Variants in SLC12A9 observed in about 807,000 individuals in gnomAD.
The protein encoded by SLC12A9 is solute carrier family 12 member 9, also known as CCC-interacting protein 1.
SLC12A9 carries 55 observed loss-of-function variants against 66.0 expected under a neutral mutation model. That is an observed-to-expected ratio of 0.83 (90% CI 0.67 to 1.04). The LOEUF is 1.04. Ranked by LOEUF, SLC12A9 falls within the 50% of genes least tolerant of loss-of-function variation. The pLI is 0.00. For synonymous variants in SLC12A9, 577 were observed against 569.0 expected (o/e 1.01, Z -0.20); for missense variants, 1,061 against 1,241.9 (o/e 0.85, Z 2.19).
rs1319012640 is a variant in SLC12A9 at position 100,861,789 on chromosome 7, G to A, written c.1589G>A (p.Trp530Ter). Reference protein sequence around the residue: ...LDVRKDHVKFWRPQLLLLVGN... With the variant: ...LDVRKDHVKF The stretch of plus-strand genomic sequence containing the variant: ...GTCCGGAAGGATCACGTGAAGTTCT[G>A]GCGGCCCCAGCTGCTGCTCCTGGTG... Residue 530 changes from tryptophan to a stop codon, truncating the protein, a stop_gained, in exon 12 of 14, where the codon TGG becomes TAG. Transcript: ENST00000354161. LOFTEE classifies it high-confidence loss of function. The surrounding 1 kb of genome is among the most constrained non-coding windows in gnomAD (Gnocchi z 5.3). The A allele has an allele frequency of 1.2e-6, 2 of 1,614,014 alleles. No individual in the cohort carries two copies. Among genetic ancestry groups the A allele is most frequent in the Admixed American group, 3.3e-5 (2 of 60,020 alleles).
At chr7:100,846,683 G>A (rs886606231) in intron 1 of SLC12A9, among the ~76,000 whole-genome samples, 4 of 152,194 alleles carry the variant, frequency 2.6e-5, no homozygotes, top group Admixed American at 2.6e-4. Context: ...GAGAATGAAA[G>A]TGAGAACTTC....
chr7:100,857,335 G>A (rs1239077889), intron 5 of SLC12A9, 159 bp downstream of exon 5: 11 of 841,796 alleles, frequency 1.3e-5, no homozygotes, highest in Non-Finnish European at 1.8e-5. Context: ...CCTGTCTAGC[G>A]TGTGCTTGGC....
At chr7:100,850,013 C>T (rs118150939), upstream of SLC12A9, among the ~76,000 whole-genome samples, 4,586 of 152,164 alleles carry the variant, frequency 0.03, 92 homozygotes, top group Middle Eastern at 0.099. Flanking sequence ...GCTGGGACTA[C>T]GGTTGCCTGC....
upstream of SLC12A9, among the ~76,000 whole-genome samples, chr7:100,849,071 C>T (rs1171348658): frequency 2.7e-5 from 4 of 150,478 alleles, no homozygotes; most frequent in African/African-American, 7.3e-5. Flanking sequence ...GAATTACAGG[C>T]GTGTACCACC....
chr7:100,846,538 G>A (rs954625623), intron 1 of SLC12A9, among the ~76,000 whole-genome samples: 3 of 151,394 alleles, frequency 2.0e-5, no homozygotes, highest in African/African-American at 7.3e-5. Flanking sequence ...CTGCACTCTA[G>A]CCTGGGCGAC....
chr7:100,839,555 C>T (rs1017656750), intron 1 of SLC12A9, among the ~76,000 whole-genome samples: 2 of 152,306 alleles, frequency 1.3e-5, no homozygotes, highest in South Asian at 4.1e-4. Context: ...AACATCCCTG[C>T]GGGCGACTCT....
rs1356966395 is a variant in SLC12A9, at chr7:100,861,050, G to C, written c.1219-88G>C. 6.2e-7 allele frequency: 1 copy of C among 1,605,986 alleles called. No homozygotes were observed. The highest frequency in any genetic ancestry group is 8.5e-7 in the Non-Finnish European group (1 of 1,175,736). ...TTTCTGGGGCTCATTGACACTTTGG[G>C]GTACACTGGCATTCTTTGGTGTTCA... On this transcript the variant is annotated intron_variant, in intron 9 of 13. Transcript: ENST00000354161. The surrounding 1 kb of genome is among the most constrained non-coding windows in gnomAD (Gnocchi z 5.3).
intron 1 of SLC12A9, among the ~76,000 whole-genome samples, chr7:100,844,058 A>T (rs1279731604): frequency 1.3e-5 from 2 of 152,228 alleles, no homozygotes; most frequent in African/African-American, 4.8e-5. Context: ...TGGCCGAAGC[A>T]TGAGAAAACT....
chr7:100,840,881 ACAAAGCCG>A (rs58417099), intron 1 of SLC12A9, among the ~76,000 whole-genome samples: 7,151 of 152,170 alleles, frequency 0.047, 572 homozygotes, highest in African/African-American at 0.16. Context: ...GTCAGTGTAA[ACAAAGCCG>A]TATCCGAAAG....
chr7:100,840,586 AAAGAGACAGAGAGG>A lies in SLC12A9; in HGVS notation n.228+13556_228+13569del, dbSNP rs370266990. On this transcript the variant is annotated intron_variant and non_coding_transcript_variant, in intron 1 of 1. Transcript: ENST00000461016. ...AAAGACCAGCAGAAAGAGAGAAAGG[AAAGAGACAGAGAGG>A]AAGAGACAGAGAGGAAAAGACAGAC... Among the ~76,000 whole-genome samples, 5 of 152,190 alleles carry A rather than the reference AAAGAGACAGAGAGG, an allele frequency of 3.3e-5. No homozygotes were observed. In the East Asian group the frequency reaches 5.8e-4, roughly 18 times the overall value.
intron 1 of SLC12A9, among the ~76,000 whole-genome samples, chr7:100,846,295 G>A: frequency 6.6e-6 from 1 of 152,304 alleles, no homozygotes; most frequent in Non-Finnish European, 1.5e-5. Context: ...GGCCGGGCGC[G>A]GTGGCTCACG....
chr7:100,854,492 G>C, intron 2 of SLC12A9, 114 bp downstream of exon 2: 3 of 1,592,768 alleles, frequency 1.9e-6, no homozygotes, highest in Non-Finnish European at 2.6e-6. Context: ...GAAGCGGTTG[G>C]CTGAAGGGTT....
intron 3 of SLC12A9, chr7:100,855,409 A>T (rs1423625736): frequency 1.5e-5 from 5 of 340,790 alleles, no homozygotes; most frequent in Non-Finnish European, 2.8e-5. Context: ...GGCGTCAGCC[A>T]CTGTGCCTGG....
intron 1 of SLC12A9, among the ~76,000 whole-genome samples, chr7:100,835,556 A>T (rs983894452): frequency 2.0e-5 from 3 of 151,732 alleles, no homozygotes; most frequent in African/African-American, 7.3e-5. Flanking sequence ...AGGCTGAGGC[A>T]GGAGAATCGC....
chr7:100,859,579 C>A, intron 7 of SLC12A9: 1 of 399,032 alleles, frequency 2.5e-6, no homozygotes, highest in Non-Finnish European at 4.5e-6. Context: ...GGTGTGATGG[C>A]AAATGCTTGT....
chr7:100,864,673 G>A (rs916453851), intron 13 of SLC12A9, among the ~76,000 whole-genome samples: 10 of 152,190 alleles, frequency 6.6e-5, no homozygotes, highest in African/African-American at 2.4e-4. Flanking sequence ...GATGGAGGCG[G>A]ATTGCGTTGA....
At chr7:100,863,745 C>G (rs1005144300) in intron 13 of SLC12A9, among the ~76,000 whole-genome samples, 1 of 152,222 alleles carries the variant, frequency 6.6e-6, no homozygotes, top group African/African-American at 2.4e-5. Flanking sequence ...ACTGCCTTTT[C>G]CCTTAATCCT....
rs1480134402 is a variant in SLC12A9, at chr7:100,857,037, T to C, written c.618T>C (p.Ser206=). 4.3e-6 allele frequency: 7 copies of C among 1,614,238 alleles called. No individual in the cohort carries two copies. The highest frequency in any genetic ancestry group is 5.9e-6 in the Non-Finnish European group (7 of 1,180,050). The change falls in exon 5 of 14, where the codon TCT becomes TCC. Residue 206 remains serine, a synonymous_variant. Transcript: ENST00000354161. ...TFLLVSGSLA[S]VLISFVAVGP... is the part of the protein sequence containing the mutation. ...TGCTGGTCTCTGGCTCCCTGGCCTC[T>C]GTGCTCATCAGTTTTGTGGCTGTGG...
At position 100,861,281 on chromosome 7, in the gene SLC12A9, T is replaced by C; in HGVS notation, c.1343+19T>C. 6.2e-7 allele frequency: 1 copy of C among 1,614,064 alleles called. No homozygotes were observed. Among genetic ancestry groups the C allele is most frequent in the Non-Finnish European group, 8.5e-7 (1 of 1,179,956 alleles). ...ACTTCCGGTGAGAGACTCAGATCTG[T>C]GTCCCCAGAGAGAAGAAGGGAGGAC... On this transcript the variant is annotated intron_variant, in intron 10 of 13. Transcript: ENST00000354161. The surrounding 1 kb of genome is among the most constrained non-coding windows in gnomAD (Gnocchi z 5.3).
Sources: gnomAD v4.1 joint callset for allele counts (sites outside exome capture counted in the v4.1 genomes callset) on GRCh38, gnomAD v4.1.1 for gene constraint, Gnocchi (gnomAD v3.1) non-coding constraint, MANE v1.5 for transcripts, NCBI Gene and HGNC (gene_info 2026-07-23, HGNC 2026-07-21) for gene names.